Variants in DTD1 observed in about 807,000 individuals in gnomAD.
DTD1 encodes the protein D-aminoacyl-tRNA deacylase 1.
A neutral mutation model predicts 25.6 loss-of-function variants in DTD1; 13 were observed. The ratio of observed to expected loss-of-function variants is 0.51; its 90% confidence interval spans 0.33 to 0.81. The LOEUF (loss-of-function observed/expected upper bound fraction) is 0.81, where lower values mean the gene tolerates loss of function less well. DTD1 is among the 30% of genes least tolerant of loss of function. The pLI is 0.02. For missense variants in DTD1, 193 were observed against 266.4 expected (o/e 0.72, Z 1.92); for synonymous variants, 110 against 103.6 (o/e 1.06, Z -0.37).
chr20:18,598,787 G>T (rs533003024), intron 3 of DTD1, among the ~76,000 whole-genome samples: 23 of 151,986 alleles, frequency 1.5e-4, no homozygotes, highest in African/African-American at 5.1e-4. Context: ...GGGATTACAG[G>T]TGTGAGCCAC....
chr20:18,753,685 GC>G (rs1365664206), intron 5 of DTD1, among the ~76,000 whole-genome samples: 1 of 149,258 alleles, frequency 6.7e-6, no homozygotes, highest in Non-Finnish European at 1.5e-5. Flanking sequence ...ATAAGTTAAA[GC>G]CAAAAAATAA....
intron 3 of DTD1, among the ~76,000 whole-genome samples, chr20:18,597,868 T>A (rs769065278): frequency 5.9e-5 from 9 of 152,230 alleles, no homozygotes; most frequent in Non-Finnish European, 1.3e-4. Flanking sequence ...TTACTAAGAA[T>A]GTGTTAGTGG....
chr20:18,743,409 C>T lies in DTD1; in HGVS notation c.478-691C>T, dbSNP rs114047491. Among the ~76,000 whole-genome samples the T allele has an allele frequency of 3.6e-3, 545 of 152,260 alleles. 2 individuals are homozygous for T. The highest frequency in any genetic ancestry group is 0.012 in the African/African-American group (504 of 41,556). On this transcript the variant is annotated intron_variant, in intron 4 of 5. Coordinates refer to ENST00000377452, the MANE Select transcript of DTD1 (RefSeq NM_080820.6). ...TGTTTTGAACATTCTTTAGAAAACACGTGGTGTGGCATGGTGGCTCACACC... is the reference window on the plus strand; with the variant it reads ...TGTTTTGAACATTCTTTAGAAAACATGTGGTGTGGCATGGTGGCTCACACC...
At chr20:18,720,491 A>G (rs1357745620) in intron 4 of DTD1, among the ~76,000 whole-genome samples, 1 of 152,156 alleles carries the variant, frequency 6.6e-6, no homozygotes, top group East Asian at 1.9e-4. Context: ...TTTTTCCTTC[A>G]AATGCATCTC....
At chr20:18,610,168 A>G (rs1024546810) in intron 3 of DTD1, among the ~76,000 whole-genome samples, 1 of 152,254 alleles carries the variant, frequency 6.6e-6, no homozygotes, top group Admixed American at 6.5e-5. Context: ...TTGTTAAGGA[A>G]TGCTTGAATG....
chr20:18,631,860 A>C lies in DTD1; in HGVS notation c.477+3627A>C, dbSNP rs953108247. 7 of 985,156 alleles carry C rather than the reference A, an allele frequency of 7.1e-6. No homozygotes were observed. In the African/African-American group the frequency reaches 1.2e-4, roughly 17 times the overall value. The allele number at this position is 985,156 out of a possible 1,614,324, so 61.0% of individuals were successfully genotyped here. On this transcript the variant is annotated intron_variant, in intron 4 of 5. Coordinates refer to ENST00000377452, the MANE Select transcript of DTD1 (RefSeq NM_080820.6). The stretch of plus-strand genomic sequence containing the variant: ...AATATTTTTCTGGAAATGGTAGAAT[A>C]GTACATTTTGCCTTTAGAATCTTCA...
intron 3 of DTD1, among the ~76,000 whole-genome samples, chr20:18,599,459 G>A (rs1163827835): frequency 2.0e-5 from 3 of 152,210 alleles, no homozygotes; most frequent in Non-Finnish European, 4.4e-5. Context: ...ACAGGTGTGA[G>A]CCACCATGCC....
chr20:18,618,672 TACACACACACAC>T (rs751474809), intron 3 of DTD1, among the ~76,000 whole-genome samples: 19 of 130,562 alleles, frequency 1.5e-4, no homozygotes, highest in South Asian at 7.6e-4. Flanking sequence ...CATAATTTTA[TACACACACACAC>T]ACACACACAC....
At chr20:18,699,494 G>C (rs1199124538) in intron 4 of DTD1, among the ~76,000 whole-genome samples, 1 of 152,210 alleles carries the variant, frequency 6.6e-6, no homozygotes, top group Non-Finnish European at 1.5e-5. Context: ...ACAGTCATGG[G>C]GAGGTCCGGC....
At chr20:18,702,379 A>T (rs565158995) in intron 4 of DTD1, among the ~76,000 whole-genome samples, 1 of 152,148 alleles carries the variant, frequency 6.6e-6, no homozygotes, top group Non-Finnish European at 1.5e-5. Flanking sequence ...CTTGTTTTAA[A>T]TTTCCCCTTT....
intron 4 of DTD1, among the ~76,000 whole-genome samples, chr20:18,725,021 C>G (rs1568682303): frequency 6.6e-6 from 1 of 152,246 alleles, no homozygotes; most frequent in Non-Finnish European, 1.5e-5. Context: ...CCCTGGTGAG[C>G]TGGAAGTAGA....
At chr20:18,696,352 A>G (rs144021592) in intron 4 of DTD1, among the ~76,000 whole-genome samples, 3 of 151,996 alleles carry the variant, frequency 2.0e-5, no homozygotes, top group Non-Finnish European at 4.4e-5. Context: ...AGGAAAGATG[A>G]CATCTGTAGT....
chr20:18,736,735 G>A (rs1033669424), intron 4 of DTD1, among the ~76,000 whole-genome samples: 1 of 152,038 alleles, frequency 6.6e-6, no homozygotes, highest in Admixed American at 6.6e-5. Context: ...CCGAAGGCAA[G>A]CCCCTCACCT....
intron 4 of DTD1, among the ~76,000 whole-genome samples, chr20:18,730,816 A>G (rs1281879358): frequency 6.6e-6 from 1 of 152,150 alleles, no homozygotes; most frequent in African/African-American, 2.4e-5. Context: ...AAGGATGGGA[A>G]TGATGTTATA....
chr20:18,721,309 A>G (rs1272433576), intron 4 of DTD1, among the ~76,000 whole-genome samples: 1 of 152,042 alleles, frequency 6.6e-6, no homozygotes, highest in African/African-American at 2.4e-5. Flanking sequence ...AGTGATGCTC[A>G]TTTGTTCATG....
chr20:18,667,216 A>G (rs2060934775), intron 4 of DTD1, among the ~76,000 whole-genome samples: 1 of 152,198 alleles, frequency 6.6e-6, no homozygotes, highest in Admixed American at 6.5e-5. Context: ...ATGGCATTGC[A>G]TTTCATTAAA....
At chr20:18,726,521 C>T (rs1181872637) in intron 4 of DTD1, among the ~76,000 whole-genome samples, 2 of 152,148 alleles carry the variant, frequency 1.3e-5, no homozygotes, top group African/African-American at 4.8e-5. Context: ...GGGTAAATGT[C>T]AGCTGCCTTC....
chr20:18,739,951 C>T (rs1235551262), intron 4 of DTD1, among the ~76,000 whole-genome samples: 1 of 151,914 alleles, frequency 6.6e-6, no homozygotes, highest in East Asian at 1.9e-4. Flanking sequence ...CATTACATCA[C>T]TGGCAGAAAT....
At chr20:18,761,289 A>G (rs1331706247) in intron 5 of DTD1, among the ~76,000 whole-genome samples, 1 of 152,162 alleles carries the variant, frequency 6.6e-6, no homozygotes, top group Non-Finnish European at 1.5e-5. Flanking sequence ...TTGGAAATGC[A>G]GAAATCATTC....
Sources: gnomAD v4.1 joint callset for allele counts (sites outside exome capture counted in the v4.1 genomes callset) on GRCh38, gnomAD v4.1.1 for gene constraint, MANE v1.5 for transcripts, NCBI Gene and HGNC (gene_info 2026-07-23, HGNC 2026-07-21) for gene names.